The following ANO3 variants were observed in gnomAD, a reference collection of about 807,000 sequenced individuals.
ANO3 encodes the protein anoctamin 3.
In ANO3, 99 loss-of-function variants were observed where a neutral mutation model predicts 144.8. The observed-to-expected ratio is 0.68, with a 90% confidence interval of 0.58 to 0.81. The LOEUF is 0.81. ANO3 is among the 30% of genes least tolerant of loss of function. The pLI, the probability that ANO3 is intolerant of heterozygous loss-of-function variation, is 0.00. For synonymous variants in ANO3, 414 were observed against 392.6 expected, an observed-to-expected ratio of 1.05 and a Z score of -0.64; for missense variants, 905 against 1,202.2, an observed-to-expected ratio of 0.75 and a Z score of 3.66.
chr11:26,242,619 G>T (rs1852686510), intron 1 of ANO3, among the ~76,000 whole-genome samples: 1 of 152,232 alleles, frequency 6.6e-6, no homozygotes, highest in African/African-American at 2.4e-5. Context: ...TTTCTTGGAT[G>T]GAAAAGTTTT....
intron 1 of ANO3, among the ~76,000 whole-genome samples, chr11:26,222,069 A>C (rs1852157058): frequency 6.6e-6 from 1 of 152,216 alleles, no homozygotes; most frequent in Admixed American, 6.5e-5. Flanking sequence ...TTCAGTATCA[A>C]GTCTAAAGTC....
chr11:26,370,164 C>T (rs533141576), intron 1 of ANO3, among the ~76,000 whole-genome samples: 1 of 152,126 alleles, frequency 6.6e-6, no homozygotes, highest in African/African-American at 2.4e-5. Context: ...GAGAGGGACC[C>T]AGTGAGAGGT....
chr11:26,607,375 T>C (rs912972375), intron 17 of ANO3, among the ~76,000 whole-genome samples: 6 of 152,304 alleles, frequency 3.9e-5, no homozygotes, highest in Admixed American at 2.6e-4. Flanking sequence ...TCTTGCTAAG[T>C]TGGGGAAGTT....
chr11:26,530,180 C>T (rs1849327176), intron 7 of ANO3, among the ~76,000 whole-genome samples: 1 of 152,194 alleles, frequency 6.6e-6, no homozygotes, highest in African/African-American at 2.4e-5. Context: ...TACCAATTTA[C>T]AACTCTCCAG....
At chr11:26,294,349 G>A (rs980025063) in intron 1 of ANO3, among the ~76,000 whole-genome samples, 1 of 151,964 alleles carries the variant, frequency 6.6e-6, no homozygotes, top group African/African-American at 2.4e-5. Flanking sequence ...TCTATATTAT[G>A]ATATCACAGG....
At chr11:26,657,533 A>G (rs1399488706) in intron 26 of ANO3, among the ~76,000 whole-genome samples, 1 of 152,160 alleles carries the variant, frequency 6.6e-6, no homozygotes, top group Non-Finnish European at 1.5e-5. Context: ...GCAAACTGTC[A>G]TCATTGATCC....
At chr11:26,367,651 A>T (rs1856130050) in intron 1 of ANO3, among the ~76,000 whole-genome samples, 1 of 152,208 alleles carries the variant, frequency 6.6e-6, no homozygotes, top group African/African-American at 2.4e-5. Context: ...ATTTCTACAT[A>T]GAAATACTTG....
intron 14 of ANO3, among the ~76,000 whole-genome samples, chr11:26,576,224 A>G (rs949657695): frequency 3.3e-5 from 5 of 152,200 alleles, no homozygotes; most frequent in Non-Finnish European, 7.3e-5. Context: ...GATAATTGCC[A>G]TCACGTTTCC....
At chr11:26,426,714 G>T (rs1025768626) in intron 1 of ANO3, among the ~76,000 whole-genome samples, 2 of 152,148 alleles carry the variant, frequency 1.3e-5, no homozygotes, top group African/African-American at 2.4e-5. Flanking sequence ...CACCACACAT[G>T]TAGTAATAGA....
chr11:26,526,458 A>G (rs941585515), intron 7 of ANO3, among the ~76,000 whole-genome samples: 1 of 152,314 alleles, frequency 6.6e-6, no homozygotes. Flanking sequence ...GTGGTAGAGT[A>G]TGCTCCATTA....
intron 1 of ANO3, among the ~76,000 whole-genome samples, chr11:26,363,544 G>T (rs148881466): frequency 1.3e-5 from 2 of 152,154 alleles, no homozygotes; most frequent in Non-Finnish European, 2.9e-5. Context: ...TGCTGGATTA[G>T]GGCCTCACCT....
chr11:26,415,020 T>C (rs1007181354), intron 1 of ANO3, among the ~76,000 whole-genome samples: 5 of 151,188 alleles, frequency 3.3e-5, no homozygotes, highest in Non-Finnish European at 5.9e-5. Context: ...ATGGGTACCA[T>C]AGCGGAGCCA....
chr11:26,556,186 C>T lies in ANO3; in HGVS notation c.1386+2841C>T, dbSNP rs1027646395. On this transcript the variant is annotated intron_variant, in intron 13 of 26. Transcript: ENST00000256737. ...ATTAAGTAATTTAGTGATATTTGCA[C>T]ACATTTAAATGCACTGACACTACAT... is the stretch of plus-strand genomic sequence containing the variant. 1.3e-4 allele frequency among the ~76,000 whole-genome samples: 20 copies of T among 152,142 alleles called. No homozygotes were observed. The South Asian group carries it at 3.7e-3, about 28-fold the overall frequency.
At chr11:26,470,556 G>A (rs1049355882) in intron 4 of ANO3, among the ~76,000 whole-genome samples, 12 of 151,830 alleles carry the variant, frequency 7.9e-5, no homozygotes, top group Admixed American at 3.3e-4. Flanking sequence ...ATAGTAATTC[G>A]TAATGCCCTC....
intron 1 of ANO3, among the ~76,000 whole-genome samples, chr11:26,373,594 G>T (rs1856322836): frequency 6.6e-6 from 1 of 152,116 alleles, no homozygotes; most frequent in South Asian, 2.1e-4. Context: ...GGACTAAATA[G>T]TTCTGGTTCT....
chr11:26,246,607 T>C (rs1852802066), intron 1 of ANO3, among the ~76,000 whole-genome samples: 1 of 149,508 alleles, frequency 6.7e-6, no homozygotes, highest in African/African-American at 2.6e-5. Flanking sequence ...TTTTTAAGAG[T>C]TCTTTATATG....
intron 6 of ANO3, among the ~76,000 whole-genome samples, chr11:26,523,159 G>T (rs920904372): frequency 5.9e-5 from 9 of 152,098 alleles, no homozygotes; most frequent in Admixed American, 2.6e-4. Context: ...CTCAGATCTC[G>T]TGAGAACTCA....
intron 22 of ANO3, among the ~76,000 whole-genome samples, chr11:26,642,435 T>G (rs1853194179): frequency 1.5e-5 from 2 of 136,706 alleles, no homozygotes; most frequent in African/African-American, 5.4e-5. Context: ...CACTGCAACC[T>G]CCACCTCCTG....
intron 1 of ANO3, among the ~76,000 whole-genome samples, chr11:26,337,383 C>G (rs1442355556): frequency 6.6e-6 from 1 of 152,144 alleles, no homozygotes; most frequent in East Asian, 1.9e-4. Context: ...TCTGAAGTAA[C>G]TATAATTTTA....
Sources: allele counts gnomAD v4.1 joint callset (sites outside exome capture counted in the v4.1 genomes callset), GRCh38; gene constraint gnomAD v4.1.1; transcripts MANE v1.5; gene names NCBI Gene and HGNC (gene_info 2026-07-23, HGNC 2026-07-21).